The following IQSEC1 variants were observed in gnomAD, a reference collection of about 807,000 sequenced individuals.
The protein encoded by IQSEC1 is IQ motif and SEC7 domain-containing protein 1.
In IQSEC1, 31 loss-of-function variants were observed where a neutral mutation model predicts 91.0. The observed-to-expected ratio is 0.34, with a 90% CI of 0.26 to 0.46. The LOEUF is 0.46. IQSEC1 is among the 20% of genes least tolerant of loss of function. IQSEC1 has a pLI of 1.00. For missense variants in IQSEC1, 1,388 were observed against 1,575.6 expected (o/e 0.88, Z 2.02); for synonymous variants, 699 against 662.6 (o/e 1.05, Z -0.84).
Position 12,899,984 on chromosome 3 carries a change from G to GAGTC in IQSEC1, c.*995_*998dup, listed in dbSNP as rs1341118121. Reference sequence around the variant, plus strand: ...GCATAAAAGAAACATGGATCATGGAGAGTCACAGTTATCGCAGCCATTAAA... The same window carrying GAGTC: ...GCATAAAAGAAACATGGATCATGGAGAGTCAGTCACAGTTATCGCAGCCATTAAA... On this transcript the variant is annotated 3_prime_UTR_variant, in exon 14 of 14. Coordinates refer to ENST00000613206, the MANE Select transcript of IQSEC1 (RefSeq NM_001134382.3). 1 of 985,228 alleles carries GAGTC rather than the reference G, an allele frequency of 1.0e-6. No homozygotes were observed. Among genetic ancestry groups the GAGTC allele is most frequent in the African/African-American group, 1.7e-5 (1 of 57,214 alleles). 61.0% of individuals were successfully genotyped at this position (985,228 alleles called of 1,614,324 possible).
intron 3 of IQSEC1, among the ~76,000 whole-genome samples, chr3:12,934,810 T>C (rs1009192906): frequency 6.6e-6 from 1 of 152,066 alleles, no homozygotes; most frequent in African/African-American, 2.4e-5. Context: ...AGGACCCCCT[T>C]GGGGAGCAGC....
chr3:13,011,306 A>C (rs890984560), intron 1 of IQSEC1, among the ~76,000 whole-genome samples: 2 of 152,212 alleles, frequency 1.3e-5, no homozygotes, highest in Non-Finnish European at 2.9e-5. Context: ...ATGGATGCAA[A>C]AATGACCATT....
In IQSEC1 at chr3:13,124,279, C is replaced by T. The variant is rs114626636; in HGVS notation, c.302+39825G>A. Among the ~76,000 whole-genome samples, 1,049 of 152,226 alleles carry T rather than the reference C, an allele frequency of 6.9e-3. 14 individuals are homozygous for T. The highest frequency in any genetic ancestry group is 0.024 in the African/African-American group (996 of 41,538). ...GGTAATGGCTGGGGGGACCCAGCTT[C>T]CTAGGGCTCACGAGGGCCCCCACCG... On this transcript the variant is annotated intron_variant, in intron 2 of 15. Transcript: ENST00000648114.
chr3:13,191,047 G>A (rs1355045450), intron 1 of IQSEC1, among the ~76,000 whole-genome samples: 3 of 152,188 alleles, frequency 2.0e-5, no homozygotes, highest in African/African-American at 7.2e-5. Context: ...CTGTGGGCAG[G>A]ACATACCCCG....
intron 1 of IQSEC1, among the ~76,000 whole-genome samples, chr3:13,043,414 C>T (rs935871082): frequency 2.0e-5 from 3 of 152,204 alleles, no homozygotes; most frequent in South Asian, 2.1e-4. Context: ...GTCCCAGATA[C>T]AGTAGCCACC....
chr3:13,162,745 G>A (rs535705396), intron 2 of IQSEC1, among the ~76,000 whole-genome samples: 34 of 152,170 alleles, frequency 2.2e-4, no homozygotes, highest in African/African-American at 6.7e-4. Context: ...TTTCTCCATC[G>A]TGCACCAGGG....
chr3:13,244,478 G>A (rs548031028), intron 1 of IQSEC1, among the ~76,000 whole-genome samples: 1 of 152,242 alleles, frequency 6.6e-6, no homozygotes, highest in East Asian at 1.9e-4. Flanking sequence ...TAGGATCCTG[G>A]GCTTGCAAAT....
intron 3 of IQSEC1, among the ~76,000 whole-genome samples, chr3:12,927,662 G>A (rs1015243686): frequency 6.6e-6 from 1 of 152,256 alleles, no homozygotes; most frequent in Non-Finnish European, 1.5e-5. Context: ...GGAAGGTGCT[G>A]TGGGAAGCGG....
rs569268153 is a variant in IQSEC1, at chr3:12,977,744, A to C, written c.24-35879T>G. On this transcript the variant is annotated intron_variant, in intron 1 of 13. Coordinates refer to ENST00000613206, the MANE Select transcript of IQSEC1 (RefSeq NM_001134382.3). ...ACCTGTTTTGTAAATGGATGCCATT[A>C]AGTGCTCCTAAATCAACAGCGTCTC... 2.6e-5 allele frequency among the ~76,000 whole-genome samples: 4 copies of C among 152,354 alleles called. No homozygotes were observed. The East Asian group carries it at 7.7e-4, about 29-fold the overall frequency.
intron 2 of IQSEC1, among the ~76,000 whole-genome samples, chr3:13,083,315 C>T (rs1249449501): frequency 6.6e-6 from 1 of 152,232 alleles, no homozygotes; most frequent in Non-Finnish European, 1.5e-5. Flanking sequence ...ATCTGAGTCC[C>T]TGCCTCAGTC....
intron 2 of IQSEC1, among the ~76,000 whole-genome samples, chr3:13,101,007 A>G (rs2124829136): frequency 8.1e-6 from 1 of 123,898 alleles, no homozygotes; most frequent in South Asian, 2.3e-4. Context: ...CCAGACAGAG[A>G]AAACAGCCCA....
intron 2 of IQSEC1, among the ~76,000 whole-genome samples, chr3:13,111,727 A>C (rs1706249411): frequency 6.6e-6 from 1 of 152,186 alleles, no homozygotes; most frequent in South Asian, 2.1e-4. Flanking sequence ...AAGAGGCATC[A>C]AACTTCCCTC....
At chr3:13,144,415 TGA>T (rs1706854121) in intron 2 of IQSEC1, among the ~76,000 whole-genome samples, 1 of 152,132 alleles carries the variant, frequency 6.6e-6, no homozygotes, top group Non-Finnish European at 1.5e-5. Flanking sequence ...GAGTGCGGCT[TGA>T]GTCTTTTCCA....
chr3:13,160,224 C>G (rs550443242), intron 2 of IQSEC1, among the ~76,000 whole-genome samples: 2 of 152,154 alleles, frequency 1.3e-5, no homozygotes, highest in African/African-American at 2.4e-5. Flanking sequence ...GTGGCAACTC[C>G]GATCATTTGA....
chr3:12,913,898 G>A (rs1284989455), intron 8 of IQSEC1, among the ~76,000 whole-genome samples: 3 of 152,278 alleles, frequency 2.0e-5, no homozygotes, highest in South Asian at 2.1e-4. Flanking sequence ...GCCAGACAGC[G>A]AGTCACATTT....
At chr3:12,918,732 G>A (rs952105525) in intron 6 of IQSEC1, among the ~76,000 whole-genome samples, 4 of 152,178 alleles carry the variant, frequency 2.6e-5, no homozygotes, top group African/African-American at 7.2e-5. Flanking sequence ...TGAGGCAGGA[G>A]GATCTCTTGA....
intron 1 of IQSEC1, among the ~76,000 whole-genome samples, chr3:13,256,077 T>G (rs775202116): frequency 6.6e-6 from 1 of 152,096 alleles, no homozygotes; most frequent in Non-Finnish European, 1.5e-5. Context: ...CTCAAACAGA[T>G]GGACCCTTGG....
chr3:13,265,375 G>T (rs2125135914), intron 1 of IQSEC1, among the ~76,000 whole-genome samples: 1 of 152,328 alleles, frequency 6.6e-6, no homozygotes, highest in Admixed American at 6.5e-5. Flanking sequence ...CAACACTTGG[G>T]CCCCAGGGGG....
intron 2 of IQSEC1, among the ~76,000 whole-genome samples, chr3:13,123,534 G>A (rs909058765): frequency 6.6e-6 from 1 of 152,198 alleles, no homozygotes; most frequent in African/African-American, 2.4e-5. Context: ...TTGTGACTTC[G>A]CCATTTTGGA....
Sources: gnomAD v4.1 joint callset for allele counts (sites outside exome capture counted in the v4.1 genomes callset) on GRCh38, gnomAD v4.1.1 for gene constraint, MANE v1.5 for transcripts, NCBI Gene and HGNC (gene_info 2026-07-23, HGNC 2026-07-21) for gene names.